TFDP2: variants seen among roughly 807,000 people sequenced by gnomAD.
TFDP2 encodes transcription factor Dp-2.
TFDP2 carries 17 observed loss-of-function variants against 59.3 expected under a neutral mutation model. The ratio of observed to expected loss-of-function variants is 0.29; its 90% CI spans 0.20 to 0.43. The LOEUF is 0.43. Among genes scored for constraint, TFDP2 ranks in the 20% least tolerant of loss-of-function variants. The pLI is 1.00. For missense variants in TFDP2, 391 were observed against 528.8 expected (o/e 0.74, Z 2.56); for synonymous variants, 180 against 194.7 (o/e 0.92, Z 0.63).
At chr3:142,037,008 C>G (rs1042541374) in intron 3 of TFDP2, among the ~76,000 whole-genome samples, 1 of 152,136 alleles carries the variant, frequency 6.6e-6, no homozygotes, top group Admixed American at 6.5e-5. Flanking sequence ...TCTATGACCT[C>G]GAGTGTAACC....
At chr3:141,977,518 G>C (rs1343720644) in intron 7 of TFDP2, among the ~76,000 whole-genome samples, 1 of 151,966 alleles carries the variant, frequency 6.6e-6, no homozygotes, top group East Asian at 1.9e-4. Context: ...CTTGAACCTG[G>C]GAAGTAGAGG....
At chr3:142,080,040 T>C (rs1302428128) in intron 3 of TFDP2, among the ~76,000 whole-genome samples, 2 of 152,208 alleles carry the variant, frequency 1.3e-5, no homozygotes, top group African/African-American at 2.4e-5. Context: ...CTCGGCTCAC[T>C]GCAACCTCCG....
intron 1 of TFDP2, among the ~76,000 whole-genome samples, chr3:142,111,167 G>A (rs1384652713): frequency 1.3e-5 from 2 of 151,926 alleles, no homozygotes; most frequent in African/African-American, 4.8e-5. Flanking sequence ...GGTGGCTCAC[G>A]CCTGTAATCC....
At chr3:142,095,717 T>C (rs565741669) in intron 2 of TFDP2, among the ~76,000 whole-genome samples, 1 of 152,334 alleles carries the variant, frequency 6.6e-6, no homozygotes, top group African/African-American at 2.4e-5. Context: ...ATCCAACTTG[T>C]TGATTTGTTG....
At chr3:142,113,861 TCAA>T (rs2061748243) in intron 1 of TFDP2, among the ~76,000 whole-genome samples, 1 of 152,060 alleles carries the variant, frequency 6.6e-6, no homozygotes, top group Non-Finnish European at 1.5e-5. Context: ...AAGCAATTCC[TCAA>T]AATAACTCTA....
chr3:142,062,896 A>G lies in TFDP2; in HGVS notation c.82+30165T>C, dbSNP rs147658641. On this transcript the variant is annotated intron_variant, in intron 3 of 12. Transcript: ENST00000489671. Reference sequence around the variant, plus strand: ...CCAGTCACAAAAGAATAAATACTGTATGATTACATTTATATAAAGTACAAA... The same window carrying G: ...CCAGTCACAAAAGAATAAATACTGTGTGATTACATTTATATAAAGTACAAA... 7.2e-5 allele frequency among the ~76,000 whole-genome samples: 11 copies of G among 152,342 alleles called. No homozygotes were observed. The East Asian group carries it at 1.9e-3, about 27-fold the overall frequency.
intron 1 of TFDP2, among the ~76,000 whole-genome samples, chr3:142,135,846 A>G (rs1464269511): frequency 2.0e-5 from 3 of 152,076 alleles, no homozygotes; most frequent in East Asian, 3.8e-4. Context: ...GCTATTGTGA[A>G]TAGTGCTGCA....
At position 142,115,434 on chromosome 3, in the gene TFDP2, T is replaced by G. The variant is rs545262658; in HGVS notation, c.-92-13593A>C. ...CCCGGATTCACGCCATTCTCCTGCCTCAGCCTCCTGAGTAGCTGGGACTAC... is the reference window on the plus strand; with the variant it reads ...CCCGGATTCACGCCATTCTCCTGCCGCAGCCTCCTGAGTAGCTGGGACTAC... On this transcript the variant is annotated intron_variant, in intron 1 of 12. Coordinates refer to ENST00000489671, the MANE Select transcript of TFDP2 (RefSeq NM_001178139.2). Among the ~76,000 whole-genome samples, 137 of 150,580 alleles carry G rather than the reference T, an allele frequency of 9.1e-4. 1 individual carries two copies. Among genetic ancestry groups the G allele is most frequent in the African/African-American group, 3.2e-3 (133 of 41,028 alleles).
intron 4 of TFDP2, among the ~76,000 whole-genome samples, chr3:142,000,659 C>T (rs1425729160): frequency 6.6e-6 from 1 of 152,138 alleles, no homozygotes; most frequent in Non-Finnish European, 1.5e-5. Flanking sequence ...CTCAAAGGTG[C>T]AATTCATCCT....
At chr3:142,048,802 G>A (rs929618159) in intron 3 of TFDP2, among the ~76,000 whole-genome samples, 1 of 152,164 alleles carries the variant, frequency 6.6e-6, no homozygotes, top group African/African-American at 2.4e-5. Context: ...CTGGGCTCAT[G>A]TGATCCTCTT....
intron 3 of TFDP2, among the ~76,000 whole-genome samples, chr3:142,026,099 C>A (rs1276477896): frequency 6.6e-6 from 1 of 152,156 alleles, no homozygotes; most frequent in Non-Finnish European, 1.5e-5. Flanking sequence ...ATCTCAAGGT[C>A]GGGAGATCGA....
chr3:142,059,191 T>A (rs970877217), intron 3 of TFDP2, among the ~76,000 whole-genome samples: 1 of 152,224 alleles, frequency 6.6e-6, no homozygotes, highest in Non-Finnish European at 1.5e-5. Context: ...CTATATAAAT[T>A]GATACATGTA....
chr3:142,025,432 C>T (rs1361480552), intron 3 of TFDP2, among the ~76,000 whole-genome samples: 1 of 152,146 alleles, frequency 6.6e-6, no homozygotes, highest in Non-Finnish European at 1.5e-5. Flanking sequence ...CAAACTATGT[C>T]CTTGTTGCTG....
intron 2 of TFDP2, chr3:142,093,899 T>C (rs550334032): frequency 8.3e-5 from 39 of 470,172 alleles, no homozygotes; most frequent in Non-Finnish European, 1.5e-4. Context: ...AGATAATTCA[T>C]GTAAAGCATA....
At position 141,993,605 on chromosome 3, in the gene TFDP2, G is replaced by A. The variant is rs781371946; in HGVS notation, c.309-20C>T. 6.9e-5 allele frequency: 100 copies of A among 1,453,568 alleles called. No individual in the cohort carries two copies. Among genetic ancestry groups the A allele is most frequent in the Non-Finnish European group, 9.1e-5 (96 of 1,052,604 alleles). The allele number at this position is 1,453,568 out of a possible 1,614,324, so 90.0% of individuals were successfully genotyped here. On this transcript the variant is annotated intron_variant, in intron 5 of 12. Coordinates refer to ENST00000489671, the MANE Select transcript of TFDP2 (RefSeq NM_001178139.2). Reference sequence around the variant, plus strand: ...CTATCACTAAAAAGGAAAAAAGATAGCATAAAAACAATACATACTTAAATA... The same window carrying A: ...CTATCACTAAAAAGGAAAAAAGATAACATAAAAACAATACATACTTAAATA...
chr3:141,948,883 T>C lies in TFDP2; in HGVS notation c.*3630A>G, dbSNP rs113405221. 13,582 of 151,676 alleles carry C rather than the reference T, an allele frequency of 0.09. 759 individuals are homozygous for C. The highest frequency in any genetic ancestry group is 0.16 in the East Asian group (836 of 5,104). 9.4% of individuals were successfully genotyped at this position (151,676 alleles called of 1,614,324 possible). A position where few individuals can be genotyped will look rare whatever the true frequency, so the allele number is the denominator to read the frequency against. The stretch of plus-strand genomic sequence containing the variant: ...ACTTTGGGAGGCCGAGAGGGGTGGA[T>C]CATAAGGTCAGGAGATCGAGACCAT... On this transcript the variant is annotated 3_prime_UTR_variant, in exon 13 of 13. Transcript: ENST00000489671.
intron 3 of TFDP2, among the ~76,000 whole-genome samples, chr3:142,009,604 T>G (rs112388839): frequency 1.9e-4 from 28 of 151,080 alleles, no homozygotes; most frequent in African/African-American, 6.1e-4. Flanking sequence ...CCCAGCTACT[T>G]GGGAGGCTGA....
intron 11 of TFDP2, 72 bp from the exon 12 acceptor site, chr3:141,953,088 A>G: frequency 1.0e-6 from 1 of 1,002,376 alleles, no homozygotes; most frequent in South Asian, 1.4e-5. Flanking sequence ...CAGTCTGAGG[A>G]AAGCACAGAA....
chr3:142,068,869 T>G (rs1264696665), intron 3 of TFDP2, among the ~76,000 whole-genome samples: 3 of 152,080 alleles, frequency 2.0e-5, no homozygotes, highest in African/African-American at 4.8e-5. Context: ...TGTTCCTCAC[T>G]TCTTTAAACT....
Sources: gnomAD v4.1 joint callset for allele counts (sites outside exome capture counted in the v4.1 genomes callset) on GRCh38, gnomAD v4.1.1 for gene constraint, MANE v1.5 for transcripts, NCBI Gene and HGNC (gene_info 2026-07-23, HGNC 2026-07-21) for gene names.